Variants in DESI1 observed in about 807,000 individuals in gnomAD.
The protein encoded by DESI1 is PPPDE peptidase domain containing 2.
DESI1 carries 17 observed loss-of-function variants against 22.4 expected under a neutral mutation model. The ratio of observed to expected loss-of-function variants is 0.76; its 90% CI spans 0.52 to 1.14. The LOEUF (loss-of-function observed/expected upper bound fraction) is 1.14, where lower values mean the gene tolerates loss of function less well. DESI1 is among the 50% of genes most tolerant of loss of function. The pLI is 0.00. For synonymous variants in DESI1, 92 were observed against 84.2 expected (o/e 1.09, Z -0.51); for missense variants, 177 against 208.9 (o/e 0.85, Z 0.94).
chr22:41,601,649 C>A (rs374680935), intron 5 of DESI1, among the ~76,000 whole-genome samples: 11 of 152,168 alleles, frequency 7.2e-5, no homozygotes, highest in East Asian at 5.8e-4. Flanking sequence ...TTTTCAGGAA[C>A]AGAGGTCTGC....
In DESI1 at chr22:41,620,904, G is replaced by C; in HGVS notation, c.-65C>G. On this transcript the variant is annotated 5_prime_UTR_variant, in exon 1 of 6. Transcript: ENST00000263256. ...ACCCGGCAGCGGCTTGGACCTTCCC[G>C]TACCCGACGGGAGTGCGAAGCGGAG... 6.5e-7 allele frequency: 1 copy of C among 1,549,016 alleles called. No homozygotes were observed. The highest frequency in any genetic ancestry group is 1.9e-5 in the Admixed American group (1 of 51,630).
chr22:41,602,895 A>AC, intron 5 of DESI1: 1 of 799,092 alleles, frequency 1.3e-6, no homozygotes, highest in South Asian at 3.0e-5. Context: ...TATTTTTCTG[A>AC]CCCCCTCTCT....
rs1176212163 is a variant in DESI1 at position 41,598,938 on chromosome 22, C to T, written c.*2159G>A. 2.6e-5 allele frequency: 4 copies of T among 152,270 alleles called. No homozygotes were observed. Among genetic ancestry groups the T allele is most frequent in the African/African-American group, 9.6e-5 (4 of 41,468 alleles). The allele number at this position is 152,270 out of a possible 1,614,324, so 9.4% of individuals were successfully genotyped here. On this transcript the variant is annotated 3_prime_UTR_variant, in exon 6 of 6. Transcript: ENST00000263256. ...CATGCACACTGGCAAATCAGTGGGT[C>T]TTGAGAAGAATTAAACTTTCAATCA... is the stretch of plus-strand genomic sequence containing the variant.
intron 1 of DESI1, among the ~76,000 whole-genome samples, chr22:41,620,281 A>C (rs561899943): frequency 7.0e-4 from 107 of 152,124 alleles, no homozygotes; most frequent in Non-Finnish European, 1.2e-3. Flanking sequence ...TCCTTTTGGC[A>C]CTGAGACAAG....
At chr22:41,620,680 C>T (rs1040931430) in intron 1 of DESI1, 72 bp downstream of exon 1, 2 of 1,453,336 alleles carry the variant, frequency 1.4e-6, no homozygotes, top group African/African-American at 1.4e-5. Context: ...GCCCAAGTCT[C>T]CCCACCTCGG....
chr22:41,601,450 G>A (rs1327337437), intron 5 of DESI1, among the ~76,000 whole-genome samples: 1 of 152,214 alleles, frequency 6.6e-6, no homozygotes, highest in African/African-American at 2.4e-5. Flanking sequence ...CTCACCTCTA[G>A]AGCCTGGTTA....
intron 1 of DESI1, among the ~76,000 whole-genome samples, chr22:41,616,096 A>G (rs2067549036): frequency 6.6e-6 from 1 of 152,058 alleles, no homozygotes; most frequent in South Asian, 2.1e-4. Context: ...TAGAAAAATT[A>G]GCTGGACATG....
In DESI1 at chr22:41,620,973, G is replaced by T; in HGVS notation, c.-134C>A. 1.1e-6 allele frequency: 1 copy of T among 930,848 alleles called. No homozygotes were observed. The highest frequency in any genetic ancestry group is 2.7e-5 in the East Asian group (1 of 36,780). 57.7% of individuals were successfully genotyped at this position (930,848 alleles called of 1,614,324 possible). A position where few individuals can be genotyped will look rare whatever the true frequency, so the allele number is the denominator to read the frequency against. Reference sequence around the variant, plus strand: ...CCCGGGCCCGGGCTGAGGGGTGGGGGAGAGGCCGCCCTGCGCTGCTCGCGC... The same window carrying T: ...CCCGGGCCCGGGCTGAGGGGTGGGGTAGAGGCCGCCCTGCGCTGCTCGCGC... On this transcript the variant is annotated 5_prime_UTR_variant, in exon 1 of 6. Transcript: ENST00000263256.
At chr22:41,614,197 C>T (rs534563004) in intron 1 of DESI1, among the ~76,000 whole-genome samples, 4 of 151,870 alleles carry the variant, frequency 2.6e-5, no homozygotes, top group Admixed American at 6.6e-5. Flanking sequence ...CCACCATGCC[C>T]GGCTAATTTT....
Position 41,604,123 on chromosome 22 carries a change from C to T in DESI1, c.211G>A (p.Val71Met). The T allele has an allele frequency of 6.2e-7, 1 of 1,614,026 alleles. No individual in the cohort carries two copies. Among genetic ancestry groups the T allele is most frequent in the Non-Finnish European group, 8.5e-7 (1 of 1,179,994 alleles). ...ACTTCTGTACTCCCCACATCAACCA[C>T]AGAGTCTGGAGGCCCAAGCAATGTC... is the stretch of plus-strand genomic sequence containing the variant. ...GGTLLGPPDS[V>M]VDVGSTEVTE... The change falls in exon 4 of 6, where the codon GTG (valine) becomes ATG (methionine). Residue 71 changes from valine to methionine, a missense_variant. By Grantham distance (21) the Val-to-Met change is conservative. Transcript: ENST00000263256.
chr22:41,601,246 C>T (rs1265130690), intron 5 of DESI1, 56 bp from the exon 6 acceptor site: 2 of 1,519,954 alleles, frequency 1.3e-6, no homozygotes, highest in Admixed American at 2.1e-5. Flanking sequence ...CCTGCTGTCA[C>T]ACACCCTGTG....
At chr22:41,613,231 T>C (rs988653036) in intron 1 of DESI1, among the ~76,000 whole-genome samples, 2 of 152,240 alleles carry the variant, frequency 1.3e-5, no homozygotes, top group Non-Finnish European at 2.9e-5. Flanking sequence ...GAAAGTTCTA[T>C]TGGACGCACT....
At chr22:41,612,783 G>A (rs1214319733) in intron 1 of DESI1, among the ~76,000 whole-genome samples, 5 of 146,456 alleles carry the variant, frequency 3.4e-5, no homozygotes, top group East Asian at 2.0e-4. Context: ...TTGAGACGGC[G>A]TCTCCCTATG....
intron 1 of DESI1, among the ~76,000 whole-genome samples, chr22:41,610,789 C>T (rs2147044968): frequency 6.6e-6 from 1 of 151,248 alleles, no homozygotes; most frequent in Non-Finnish European, 1.5e-5. Context: ...AGAAGAATCA[C>T]TTGAACCCAG....
At chr22:41,610,080 TAAAA>T (rs71184819) in intron 1 of DESI1, among the ~76,000 whole-genome samples, 3 of 115,604 alleles carry the variant, frequency 2.6e-5, no homozygotes, top group Admixed American at 9.5e-5. Flanking sequence ...AACTCTATCT[TAAAA>T]AAAAAAAAAA....
chr22:41,604,861 C>G (rs553551596), intron 3 of DESI1, among the ~76,000 whole-genome samples: 1 of 152,132 alleles, frequency 6.6e-6, no homozygotes, highest in African/African-American at 2.4e-5. Context: ...TGGCTTAGAG[C>G]TTTCTGGTCA....
intron 1 of DESI1, among the ~76,000 whole-genome samples, chr22:41,617,710 A>G (rs1163324466): frequency 6.6e-6 from 1 of 152,280 alleles, no homozygotes; most frequent in East Asian, 1.9e-4. Flanking sequence ...GAAGTAGATT[A>G]GCACACAAGG....
At position 41,601,144 on chromosome 22, in the gene DESI1, G is replaced by T; in HGVS notation, c.460C>A (p.Gln154Lys). The T allele has an allele frequency of 6.2e-7, 1 of 1,613,270 alleles. No individual in the cohort carries two copies. Among genetic ancestry groups the T allele is most frequent in the Non-Finnish European group, 8.5e-7 (1 of 1,179,794 alleles). ...LRPLLDSIQI[Q>K]PPGGSSVGRP... ...CCCACGGAGCTCCCTCCTGGAGGCTGGATCTGAATGGAGTCCAGGAGGGGC... is the reference window on the plus strand; with the variant it reads ...CCCACGGAGCTCCCTCCTGGAGGCTTGATCTGAATGGAGTCCAGGAGGGGC... The change falls in exon 6 of 6, where the codon CAG becomes AAG. Residue 154 changes from glutamine (Q) to lysine (K), a missense_variant. Transcript: ENST00000263256.
intron 1 of DESI1, among the ~76,000 whole-genome samples, chr22:41,614,940 TCC>T (rs2067541416): frequency 6.6e-6 from 1 of 151,306 alleles, no homozygotes; most frequent in Non-Finnish European, 1.5e-5. Context: ...TCACCTGTTT[TCC>T]ACATGCATAT....
Sources: gnomAD v4.1 joint callset for allele counts (sites outside exome capture counted in the v4.1 genomes callset) on GRCh38, gnomAD v4.1.1 for gene constraint, MANE v1.5 for transcripts, NCBI Gene and HGNC (gene_info 2026-07-23, HGNC 2026-07-21) for gene names.